Variants in NAA15 observed in about 807,000 individuals in gnomAD.
NAA15 encodes N-terminal acetyltransferase.
A neutral mutation model predicts 114.0 loss-of-function variants in NAA15; 34 were observed. The observed-to-expected ratio is 0.30, with a 90% CI of 0.23 to 0.40. The LOEUF (loss-of-function observed/expected upper bound fraction) is 0.40, where lower values mean the gene tolerates loss of function less well. NAA15 is among the 10% of genes least tolerant of loss of function. The pLI is 1.00. For synonymous variants in NAA15, 340 were observed against 338.0 expected (o/e 1.01, Z -0.06); for missense variants, 658 against 1,004.5 (o/e 0.66, Z 4.66).
intron 17 of NAA15, among the ~76,000 whole-genome samples, chr4:139,379,810 G>A (rs1748691554): frequency 6.6e-6 from 1 of 152,226 alleles, no homozygotes; most frequent in East Asian, 1.9e-4. Flanking sequence ...TCAGGAAGCC[G>A]AGGTGGGCGG....
At chr4:139,373,964 C>G (rs1748513799) in intron 15 of NAA15, among the ~76,000 whole-genome samples, 1 of 152,136 alleles carries the variant, frequency 6.6e-6, no homozygotes, top group Admixed American at 6.5e-5. Flanking sequence ...CTTAGCCTCC[C>G]AAAGTGCTGG....
At chr4:139,334,946 T>C (rs1459668590) in intron 2 of NAA15, among the ~76,000 whole-genome samples, 12 of 152,174 alleles carry the variant, frequency 7.9e-5, no homozygotes, top group Non-Finnish European at 1.5e-4. Context: ...AATCTCACTT[T>C]CTTTCACTGT....
At chr4:139,337,888 A>G (rs552756975) in intron 3 of NAA15, among the ~76,000 whole-genome samples, 30 of 152,342 alleles carry the variant, frequency 2.0e-4, no homozygotes, top group African/African-American at 6.7e-4. Context: ...AATTGTCACT[A>G]ATCCAGTAAA....
At chr4:139,315,131 C>T (rs1746367428) in intron 1 of NAA15, among the ~76,000 whole-genome samples, 2 of 151,246 alleles carry the variant, frequency 1.3e-5, no homozygotes, top group African/African-American at 2.4e-5. Flanking sequence ...GGCGCGATCC[C>T]GGCTCACTGC....
In NAA15 at chr4:139,359,738, A is replaced by G; in HGVS notation, c.1258-5A>G. On this transcript the variant is annotated splice_polypyrimidine_tract_variant and splice_region_variant and intron_variant, in intron 11 of 19. Coordinates refer to ENST00000296543, the MANE Select transcript of NAA15 (RefSeq NM_057175.5). The stretch of plus-strand genomic sequence containing the variant: ...CTGGTTTATTTTGCTTTTGTACCTT[A>G]TAAGCATGCTGGAAATATTAAAGAA... 1.9e-6 allele frequency: 3 copies of G among 1,599,628 alleles called. No individual in the cohort carries two copies. Among genetic ancestry groups the G allele is most frequent in the Middle Eastern group, 1.7e-4 (1 of 6,032 alleles).
intron 15 of NAA15, among the ~76,000 whole-genome samples, chr4:139,376,055 C>T (rs1359202661): frequency 6.6e-6 from 1 of 152,158 alleles, no homozygotes; most frequent in African/African-American, 2.4e-5. Context: ...TACATCTCTT[C>T]TTTCTTCCCC....
intron 3 of NAA15, among the ~76,000 whole-genome samples, chr4:139,338,532 C>G (rs1369685935): frequency 2.1e-4 from 32 of 152,288 alleles, no homozygotes. Context: ...ACTGCAACCT[C>G]TGCCTCCCTG....
intron 1 of NAA15, chr4:139,302,173 C>T: frequency 3.7e-6 from 1 of 273,698 alleles, no homozygotes; most frequent in Non-Finnish European, 6.9e-6. Flanking sequence ...CGGCAGGAGT[C>T]GCGGCCCGGT....
intron 1 of NAA15, among the ~76,000 whole-genome samples, chr4:139,304,797 C>T (rs144228678): frequency 1.2e-3 from 176 of 152,202 alleles, no homozygotes; most frequent in African/African-American, 3.9e-3. Flanking sequence ...TCCAAAGTAC[C>T]CCCCTCTGTT....
chr4:139,355,836 TGTTA>T (rs1747932378), intron 10 of NAA15, among the ~76,000 whole-genome samples: 1 of 152,188 alleles, frequency 6.6e-6, no homozygotes, highest in South Asian at 2.1e-4. Context: ...TAGGCATACG[TGTTA>T]GTTTTATATG....
In NAA15 at chr4:139,387,998, A is replaced by G. The variant is rs1748954716; in HGVS notation, c.2515A>G (p.Met839Val). 1.2e-6 allele frequency: 2 copies of G among 1,613,914 alleles called. No homozygotes were observed. Among genetic ancestry groups the G allele is most frequent in the Non-Finnish European group, 1.7e-6 (2 of 1,179,960 alleles). ...HKLFPYALAF[M>V]PPGYEEDMKI... Reference sequence around the variant, plus strand: ...GCTTTTCCCTTATGCTTTGGCTTTCATGCCTCCTGGATATGAAGAGGATAT... The same window carrying G: ...GCTTTTCCCTTATGCTTTGGCTTTCGTGCCTCCTGGATATGAAGAGGATAT... Residue 839 changes from methionine (M) to valine (V), a missense_variant, in exon 20 of 20, where the codon ATG becomes GTG. Transcript: ENST00000296543.
chr4:139,364,289 CTT>C (rs1166846504), intron 14 of NAA15, among the ~76,000 whole-genome samples: 2 of 151,832 alleles, frequency 1.3e-5, no homozygotes, highest in Admixed American at 1.3e-4. Context: ...AATATTTAGT[CTT>C]TTTTTGTGGC....
At chr4:139,315,006 T>TTCAGGTGAGG (rs1553992520) in intron 1 of NAA15, among the ~76,000 whole-genome samples, 4 of 101,530 alleles carry the variant, frequency 3.9e-5, no homozygotes, top group African/African-American at 9.6e-5. Flanking sequence ...TTCAGTTTAG[T>TTCAGGTGAGG]TTAGGTTAGG....
intron 2 of NAA15, among the ~76,000 whole-genome samples, chr4:139,335,717 A>G (rs1747179543): frequency 6.6e-6 from 1 of 151,488 alleles, no homozygotes. Flanking sequence ...CCACTGTAAC[A>G]TACCTGAATT....
At chr4:139,343,674 G>A (rs1747486191) in intron 5 of NAA15, among the ~76,000 whole-genome samples, 1 of 152,182 alleles carries the variant, frequency 6.6e-6, no homozygotes, top group Admixed American at 6.5e-5. Flanking sequence ...ACATCAAGAG[G>A]CACATGCCAT....
chr4:139,351,972 T>A (rs1221439326), intron 9 of NAA15, among the ~76,000 whole-genome samples: 1 of 152,092 alleles, frequency 6.6e-6, no homozygotes, highest in Non-Finnish European at 1.5e-5. Context: ...AAGTTTTAGC[T>A]TAGTCTTCTT....
intron 4 of NAA15, 149 bp from the exon 5 acceptor site, chr4:139,342,677 T>G: frequency 1.7e-6 from 1 of 580,048 alleles, no homozygotes; most frequent in Non-Finnish European, 3.0e-6. Context: ...CTCGATCTCT[T>G]GACCTCGTGA....
At chr4:139,349,683 T>A in intron 7 of NAA15, 102 bp downstream of exon 7, 2 of 1,258,100 alleles carry the variant, frequency 1.6e-6, no homozygotes, top group Non-Finnish European at 2.2e-6. Context: ...GGTTAAGAAT[T>A]GGTTCGAAAT....
chr4:139,377,744 T>A (rs999331174), intron 16 of NAA15, among the ~76,000 whole-genome samples: 8 of 152,172 alleles, frequency 5.3e-5, no homozygotes, highest in Admixed American at 5.2e-4. Context: ...ATTAAAATAA[T>A]TTACTGTATT....
Sources: allele counts gnomAD v4.1 joint callset (sites outside exome capture counted in the v4.1 genomes callset), GRCh38; gene constraint gnomAD v4.1.1; transcripts MANE v1.5; gene names NCBI Gene and HGNC (gene_info 2026-07-23, HGNC 2026-07-21).